Variants in LYSMD3 observed in about 807,000 individuals in gnomAD.
LYSMD3 encodes the protein lysM and putative peptidoglycan-binding domain-containing protein 3.
In LYSMD3, 13 loss-of-function variants were observed where a neutral mutation model predicts 26.1. The ratio of observed to expected loss-of-function variants is 0.50; its 90% CI spans 0.32 to 0.79. The LOEUF (loss-of-function observed/expected upper bound fraction) is 0.79, where lower values mean the gene tolerates loss of function less well. LYSMD3 is among the 30% of genes least tolerant of loss of function. The pLI, the probability that LYSMD3 is intolerant of heterozygous loss-of-function variation, is 0.03. For synonymous variants in LYSMD3, 109 were observed against 119.4 expected (o/e 0.91, Z 0.57); for missense variants, 331 against 362.5 (o/e 0.91, Z 0.71).
chr5:90,529,547 T>G lies in LYSMD3; in HGVS notation c.-111A>C, dbSNP rs1483726659. 4.4e-6 allele frequency: 2 copies of G among 456,424 alleles called. No individual in the cohort carries two copies. Among genetic ancestry groups the G allele is most frequent in the Non-Finnish European group, 8.8e-6 (2 of 226,892 alleles). The allele number at this position is 456,424 out of a possible 1,614,324, so 28.3% of individuals were successfully genotyped here. ...TCATGGCCGAGCCTCTGCTTTGGGC[T>G]GACCCCGTCCGCCTCCGCCTCTGCC... On this transcript the variant is annotated 5_prime_UTR_variant, in exon 1 of 3. Transcript: ENST00000315948.
At chr5:90,520,019 C>T (rs571941041) in intron 2 of LYSMD3, among the ~76,000 whole-genome samples, 1 of 151,822 alleles carries the variant, frequency 6.6e-6, no homozygotes, top group Admixed American at 6.6e-5. Context: ...AAAAAAGATG[C>T]TAAAATGTGT....
At chr5:90,525,369 G>A (rs896446531) in intron 1 of LYSMD3, 69 bp from the exon 2 acceptor site, 10 of 1,349,866 alleles carry the variant, frequency 7.4e-6, no homozygotes, top group South Asian at 4.2e-5. Context: ...TGCATGCATC[G>A]TACATTCAGG....
In LYSMD3 at chr5:90,525,066, A is replaced by T; in HGVS notation, c.224T>A (p.Leu75Ter). The T allele has an allele frequency of 6.2e-7, 1 of 1,611,034 alleles. No homozygotes were observed. The highest frequency in any genetic ancestry group is 1.1e-5 in the South Asian group (1 of 90,718). Residue 75 changes from leucine to a stop codon, truncating the protein, a stop_gained, in exon 2 of 3, where the codon TTA becomes TAA. Coordinates refer to ENST00000315948, the MANE Select transcript of LYSMD3 (RefSeq NM_198273.2). LOFTEE classifies it high-confidence loss of function. ...ACAGTACTGAAGGGCTATTGCATTTAATGTATCTCCTTCTTGTATATCTTT... is the reference window on the plus strand; with the variant it reads ...ACAGTACTGAAGGGCTATTGCATTTTATGTATCTCCTTCTTGTATATCTTT... ...LTKDIQEGDT[L>*]NAIALQYCCT...
intron 2 of LYSMD3, 87 bp downstream of exon 2, chr5:90,524,948 A>G: frequency 8.2e-7 from 1 of 1,216,586 alleles, no homozygotes; most frequent in Non-Finnish European, 1.1e-6. Context: ...AAAGGAATAA[A>G]CAAGGTAAAA....
In LYSMD3 at chr5:90,529,558, G is replaced by A. The variant is rs745787191; in HGVS notation, c.-122C>T. 2.0e-5 allele frequency: 9 copies of A among 456,436 alleles called. No individual in the cohort carries two copies. The highest frequency in any genetic ancestry group is 1.2e-4 in the South Asian group (8 of 64,552). 28.3% of individuals were successfully genotyped at this position (456,436 alleles called of 1,614,324 possible). On this transcript the variant is annotated 5_prime_UTR_variant, in exon 1 of 3. Coordinates refer to ENST00000315948, the MANE Select transcript of LYSMD3 (RefSeq NM_198273.2). ...CCTCTGCTTTGGGCTGACCCCGTCC[G>A]CCTCCGCCTCTGCCGCCAACGTCTC... is the stretch of plus-strand genomic sequence containing the variant.
Position 90,519,118 on chromosome 5 carries a change from G to A in LYSMD3, c.622C>T (p.Pro208Ser), listed in dbSNP as rs769155838. 2.5e-6 allele frequency: 4 copies of A among 1,613,868 alleles called. No individual in the cohort carries two copies. The Admixed American group carries it at 6.7e-5, about 27-fold the overall frequency. ...PDNKNTQRKD[P>S]YYGADWGIGW... is the part of the protein sequence containing the mutation. ...ATTCCCCAGTCTGCTCCATAATAGG[G>A]GTCTTTACGTTGAGTGTTTTTGTTA... Residue 208 changes from proline to serine, a missense_variant, in exon 3 of 3, where the codon CCC becomes TCC. By Grantham distance (74) the Pro-to-Ser change is moderately conservative. Coordinates refer to ENST00000315948, the MANE Select transcript of LYSMD3 (RefSeq NM_198273.2).
intron 1 of LYSMD3, among the ~76,000 whole-genome samples, chr5:90,527,945 T>A (rs998200421): frequency 6.6e-6 from 1 of 152,204 alleles, no homozygotes; most frequent in South Asian, 2.1e-4. Context: ...AATAGCTATA[T>A]GTTAAGTAGA....
rs1753008678 is a variant in LYSMD3 at position 90,518,710 on chromosome 5, G to A, written c.*109C>T. On this transcript the variant is annotated 3_prime_UTR_variant, in exon 3 of 3. Coordinates refer to ENST00000315948, the MANE Select transcript of LYSMD3 (RefSeq NM_198273.2). Reference sequence around the variant, plus strand: ...TGAAACCCTTTTGTTAAAAACAAAAGCATCCTCAATCTCTCTAAATTCTGC... The same window carrying A: ...TGAAACCCTTTTGTTAAAAACAAAAACATCCTCAATCTCTCTAAATTCTGC... 8.7e-7 allele frequency: 1 copy of A among 1,144,156 alleles called. No homozygotes were observed. The highest frequency in any genetic ancestry group is 1.2e-6 in the Non-Finnish European group (1 of 815,498). 70.9% of individuals were successfully genotyped at this position (1,144,156 alleles called of 1,614,324 possible). A position where few individuals can be genotyped will look rare whatever the true frequency, so the allele number is the denominator to read the frequency against.
chr5:90,521,968 T>C (rs1753099565), intron 2 of LYSMD3, among the ~76,000 whole-genome samples: 1 of 151,650 alleles, frequency 6.6e-6, no homozygotes, highest in Non-Finnish European at 1.5e-5. Flanking sequence ...TGCTTATGCT[T>C]CCATCAAAAA....
At chr5:90,528,665 A>C (rs938013182) in intron 1 of LYSMD3, among the ~76,000 whole-genome samples, 2 of 152,210 alleles carry the variant, frequency 1.3e-5, no homozygotes, top group Non-Finnish European at 2.9e-5. Context: ...TAGAAAATAC[A>C]TAATATTTAA....
chr5:90,519,973 A>C (rs1283656159), intron 2 of LYSMD3, among the ~76,000 whole-genome samples: 1 of 152,132 alleles, frequency 6.6e-6, no homozygotes, highest in East Asian at 1.9e-4. Context: ...AGGGAAAAAA[A>C]AAACTTCACC....
chr5:90,521,581 T>G (rs771216966), intron 2 of LYSMD3, among the ~76,000 whole-genome samples: 31 of 152,124 alleles, frequency 2.0e-4, no homozygotes, highest in Non-Finnish European at 3.5e-4. Flanking sequence ...CGCACTGTTT[T>G]GTCTTATAGC....
rs960759535 is a variant in LYSMD3, at chr5:90,518,533, C to CA, written c.*285dup. ...ATTACTTAAAAAAATAAAATTTAAA[C>CA]ATGCATTTTAAGAAAAATGATACAT... On this transcript the variant is annotated 3_prime_UTR_variant, in exon 3 of 3. Coordinates refer to ENST00000315948, the MANE Select transcript of LYSMD3 (RefSeq NM_198273.2). 5.2e-5 allele frequency: 15 copies of CA among 288,414 alleles called. No homozygotes were observed. Among genetic ancestry groups the CA allele is most frequent in the African/African-American group, 3.3e-4 (15 of 46,014 alleles). 17.9% of individuals were successfully genotyped at this position (288,414 alleles called of 1,614,324 possible).
At position 90,518,787 on chromosome 5, in the gene LYSMD3, G is replaced by GTGAGC; in HGVS notation, c.*31_*32insGCTCA. The GTGAGC allele has an allele frequency of 6.4e-7, 1 of 1,568,618 alleles. No homozygotes were observed. The highest frequency in any genetic ancestry group is 1.7e-5 in the Admixed American group (1 of 57,698). ...GATTCACCACATTCCAGATGCACAT[G>GTGAGC]TGACCACTAACATTTGATTATGAGC... On this transcript the variant is annotated 3_prime_UTR_variant, in exon 3 of 3. Transcript: ENST00000315948.
chr5:90,519,070 T>C lies in LYSMD3; in HGVS notation c.670A>G (p.Ile224Val). Reference sequence around the variant, plus strand: ...GTTATTATACCTACTATCAACATTATCACTACAGCTGTCCACCACCCTATT... The same window carrying C: ...GTTATTATACCTACTATCAACATTACCACTACAGCTGTCCACCACCCTATT... ...WGIGWWTAVV[I>V]MLIVGIITPV... The change falls in exon 3 of 3, where the codon ATA becomes GTA. Residue 224 changes from isoleucine (I) to valine (V), a missense_variant. By Grantham distance (29) the Ile-to-Val change is conservative. Coordinates refer to ENST00000315948, the MANE Select transcript of LYSMD3 (RefSeq NM_198273.2). 1 of 1,614,114 alleles carries C rather than the reference T, an allele frequency of 6.2e-7. No individual in the cohort carries two copies. The highest frequency in any genetic ancestry group is 8.5e-7 in the Non-Finnish European group (1 of 1,179,968).
Position 90,519,046 on chromosome 5 carries a change from T to G in LYSMD3, c.694A>C (p.Thr232Pro). The change falls in exon 3 of 3, where the codon ACA becomes CCA. Residue 232 changes from threonine to proline, a missense_variant. By Grantham distance (38) the Thr-to-Pro change is conservative. Coordinates refer to ENST00000315948, the MANE Select transcript of LYSMD3 (RefSeq NM_198273.2). ...VVIMLIVGIITPVFYLLYYEI... is the reference protein window; with the variant it reads ...VVIMLIVGIIPPVFYLLYYEI... ...TAATACAACAAATAAAACACTGGTG[T>G]TATTATACCTACTATCAACATTATC... 3 of 1,613,840 alleles carry G rather than the reference T, an allele frequency of 1.9e-6. No individual in the cohort carries two copies. Among genetic ancestry groups the G allele is most frequent in the Non-Finnish European group, 2.5e-6 (3 of 1,179,704 alleles).
In LYSMD3 at chr5:90,518,497, A is replaced by G. The variant is rs1291783647; in HGVS notation, c.*322T>C. ...TGCATCATAAATTTAACATTAATAA[A>G]CTTTTTAAAAATTACTTAAAAAAAT... On this transcript the variant is annotated 3_prime_UTR_variant, in exon 3 of 3. Coordinates refer to ENST00000315948, the MANE Select transcript of LYSMD3 (RefSeq NM_198273.2). 4.7e-6 allele frequency: 1 copy of G among 211,212 alleles called. No homozygotes were observed. Among genetic ancestry groups the G allele is most frequent in the Admixed American group, 5.5e-5 (1 of 18,228 alleles). 13.1% of individuals were successfully genotyped at this position (211,212 alleles called of 1,614,324 possible). A position where few individuals can be genotyped will look rare whatever the true frequency, so the allele number is the denominator to read the frequency against.
Position 90,518,999 on chromosome 5 carries a change from A to G in LYSMD3, c.741T>C (p.Asp247=), listed in dbSNP as rs1753019606. 1 of 1,614,098 alleles carries G rather than the reference A, an allele frequency of 6.2e-7. No individual in the cohort carries two copies. The highest frequency in any genetic ancestry group is 1.3e-5 in the African/African-American group (1 of 75,044). Residue 247 remains aspartate, a synonymous_variant, in exon 3 of 3, where the codon GAT becomes GAC. Transcript: ENST00000315948. ...LLYYEILAKV[D]VSHHSTVDSS... Reference sequence around the variant, plus strand: ...AGTCCACTGTTGAATGATGACTAACATCCACCTTAGCTAAAATTTCATAAT... The same window carrying G: ...AGTCCACTGTTGAATGATGACTAACGTCCACCTTAGCTAAAATTTCATAAT...
Position 90,519,267 on chromosome 5 carries a change from C to A in LYSMD3, c.473G>T (p.Gly158Val). Residue 158 changes from glycine to valine, a missense_variant, in exon 3 of 3, where the codon GGT becomes GTT. Physicochemically the swap from Gly to Val is moderately radical, Grantham distance 109. Around this residue, in one of 3 missense-constraint regions of LYSMD3, gnomAD observed 262 missense variants for 267.3 expected, o/e 0.98. Transcript: ENST00000315948. ...TCGGTCTACTTCTTTTAAAAAGCTACCAGCTGAGTCACTGTAAGCAAGAGA... is the reference window on the plus strand; with the variant it reads ...TCGGTCTACTTCTTTTAAAAAGCTAACAGCTGAGTCACTGTAAGCAAGAGA... ...NDSLAYSDSA[G>V]SFLKEVDRDI... is the part of the protein sequence containing the mutation. The A allele has an allele frequency of 6.2e-7, 1 of 1,613,962 alleles. No homozygotes were observed. The highest frequency in any genetic ancestry group is 1.7e-5 in the Admixed American group (1 of 60,018).
Sources: allele counts gnomAD v4.1 joint callset (sites outside exome capture counted in the v4.1 genomes callset), GRCh38; gene constraint gnomAD v4.1.1; regional missense constraint gnomAD v4.1.1; transcripts MANE v1.5; gene names NCBI Gene and HGNC (gene_info 2026-07-23, HGNC 2026-07-21).